The following SGCD variants were observed in gnomAD, a reference collection of about 807,000 sequenced individuals.
SGCD encodes sarcoglycan delta, also known as delta-sarcoglycan.
Under a neutral mutation model 36.6 loss-of-function variants are expected in SGCD, and 18 were observed. The observed-to-expected ratio is 0.49, with a 90% CI of 0.34 to 0.73. The LOEUF is 0.73. Ranked by LOEUF, SGCD falls within the 30% of genes least tolerant of loss-of-function variation. The pLI, the probability that SGCD is intolerant of heterozygous loss-of-function variation, is 0.01. For missense variants in SGCD, 387 were observed against 346.7 expected, an observed-to-expected ratio of 1.12 and a Z score of -0.92; for synonymous variants, 133 against 130.6, an observed-to-expected ratio of 1.02 and a Z score of -0.12.
At chr5:155,871,721 A>T (rs1755660658) in intron 1 of SGCD, among the ~76,000 whole-genome samples, 1 of 152,170 alleles carries the variant, frequency 6.6e-6, no homozygotes, top group Non-Finnish European at 1.5e-5. Context: ...GTAGGTAAAT[A>T]AGTTATGATG....
At chr5:156,038,419 A>G (rs79139721) in intron 1 of SGCD, among the ~76,000 whole-genome samples, 2 of 152,268 alleles carry the variant, frequency 1.3e-5, no homozygotes, top group East Asian at 3.9e-4. Flanking sequence ...AAAAAAGTCT[A>G]TAATGTAGTG....
chr5:156,203,466 G>T (rs1026655258), intron 3 of SGCD, among the ~76,000 whole-genome samples: 1 of 152,062 alleles, frequency 6.6e-6, no homozygotes, highest in Non-Finnish European at 1.5e-5. Flanking sequence ...TTGCTTGCAT[G>T]GCTATATCAT....
At chr5:156,132,486 T>TTAA (rs1762351013) in intron 3 of SGCD, among the ~76,000 whole-genome samples, 1 of 138,286 alleles carries the variant, frequency 7.2e-6, no homozygotes, top group Non-Finnish European at 1.5e-5. Context: ...TTTTTTTTTT[T>TTAA]GAGACGGAGT....
chr5:156,334,057 T>C (rs889242082), intron 2 of SGCD, among the ~76,000 whole-genome samples: 18 of 152,120 alleles, frequency 1.2e-4, no homozygotes, highest in African/African-American at 4.3e-4. Flanking sequence ...GATTTTATAT[T>C]GTCCATGTTC....
chr5:155,837,186 C>G, the SGCD span, among the ~76,000 whole-genome samples: 1 of 152,046 alleles, frequency 6.6e-6, no homozygotes, highest in African/African-American at 2.4e-5. Context: ...GAGACAGAGA[C>G]TCACTGGGTT....
At chr5:156,758,702 A>G (rs778299574) in intron 8 of SGCD, among the ~76,000 whole-genome samples, 1 of 152,040 alleles carries the variant, frequency 6.6e-6, no homozygotes, top group Admixed American at 6.6e-5. Context: ...AGCTTCCACA[A>G]CTGCTTATTT....
At chr5:155,749,811 T>G in the SGCD span, among the ~76,000 whole-genome samples, 1 of 152,224 alleles carries the variant, frequency 6.6e-6, no homozygotes, top group Non-Finnish European at 1.5e-5. Flanking sequence ...CCCATCTTGT[T>G]CATTCATTTA....
chr5:155,798,853 A>G, the SGCD span, among the ~76,000 whole-genome samples: 2 of 152,306 alleles, frequency 1.3e-5, no homozygotes, highest in African/African-American at 4.8e-5. Context: ...CATGGCTTCT[A>G]AACCATTACT....
chr5:155,977,768 T>A (rs972136093), intron 1 of SGCD, among the ~76,000 whole-genome samples: 1 of 152,074 alleles, frequency 6.6e-6, no homozygotes, highest in African/African-American at 2.4e-5. Flanking sequence ...AAGGTCATGG[T>A]GGATATTTTC....
At chr5:156,496,950 TTC>T (rs1756219921) in intron 3 of SGCD, among the ~76,000 whole-genome samples, 1 of 152,156 alleles carries the variant, frequency 6.6e-6, no homozygotes, top group African/African-American at 2.4e-5. Flanking sequence ...ATATCCCAAC[TTC>T]TTTTGACTGA....
intron 7 of SGCD, among the ~76,000 whole-genome samples, chr5:156,715,396 G>A (rs962679326): frequency 2.0e-5 from 3 of 152,154 alleles, no homozygotes; most frequent in African/African-American, 7.2e-5. Flanking sequence ...TGAAAAGAAA[G>A]GTGGACTTGT....
chr5:155,976,741 A>T (rs1444316020), intron 1 of SGCD, among the ~76,000 whole-genome samples: 1 of 152,076 alleles, frequency 6.6e-6, no homozygotes, highest in Non-Finnish European at 1.5e-5. Flanking sequence ...GTGAAAGGCA[A>T]CGGGTGTGTC....
intron 3 of SGCD, among the ~76,000 whole-genome samples, chr5:156,284,774 G>T (rs182900273): frequency 0.062 from 9,464 of 152,164 alleles, 587 homozygotes; most frequent in African/African-American, 0.16. Flanking sequence ...AGACAGGGAT[G>T]CCCTCTCTCA....
chr5:156,072,322 T>C (rs10476274), intron 1 of SGCD, among the ~76,000 whole-genome samples: 145,891 of 151,958 alleles, frequency 0.96, 70,093 homozygotes, highest in East Asian at 1. Context: ...TTAGGGCAGG[T>C]CTGGTGGTCA....
chr5:156,295,850 G>T (rs1302195293), intron 3 of SGCD, among the ~76,000 whole-genome samples: 1 of 152,190 alleles, frequency 6.6e-6, no homozygotes, highest in Non-Finnish European at 1.5e-5. Context: ...AGTTTTGGAT[G>T]TGTCAGTCAG....
intron 1 of SGCD, among the ~76,000 whole-genome samples, chr5:156,071,970 T>C (rs1304868612): frequency 6.6e-6 from 1 of 152,170 alleles, no homozygotes; most frequent in Admixed American, 6.5e-5. Context: ...TTTTTTTGTT[T>C]TCCATTTGCT....
At chr5:156,537,373 CTT>C (rs1358772725) in intron 4 of SGCD, among the ~76,000 whole-genome samples, 1 of 150,534 alleles carries the variant, frequency 6.6e-6, no homozygotes, top group Admixed American at 6.7e-5. Context: ...TCTATGGTGA[CTT>C]TGTGGATAGA....
At chr5:156,711,591 A>G (rs1419828782) in intron 7 of SGCD, among the ~76,000 whole-genome samples, 2 of 152,230 alleles carry the variant, frequency 1.3e-5, no homozygotes, top group Non-Finnish European at 2.9e-5. Flanking sequence ...CTTCAGGGAA[A>G]GGTTGACCCC....
Position 156,669,054 on chromosome 5 carries a change from G to A in SGCD, c.575+21518G>A, listed in dbSNP as rs145076819. Among the ~76,000 whole-genome samples, 1,364 of 152,242 alleles carry A rather than the reference G, an allele frequency of 9.0e-3. 15 individuals are homozygous for A. The highest frequency in any genetic ancestry group is 0.017 in the Middle Eastern group (5 of 294). The stretch of plus-strand genomic sequence containing the variant: ...TGGTTTGTCAAATGGCCCACATGGG[G>A]TCCTGTCAAGGAATGCTAATGGACA... On this transcript the variant is annotated intron_variant, in intron 7 of 8. Coordinates refer to ENST00000337851, the MANE Select transcript of SGCD (RefSeq NM_000337.6).
Sources: gnomAD v4.1 joint callset for allele counts (sites outside exome capture counted in the v4.1 genomes callset) on GRCh38, gnomAD v4.1.1 for gene constraint, MANE v1.5 for transcripts, NCBI Gene and HGNC (gene_info 2026-07-23, HGNC 2026-07-21) for gene names.